Variants in PYY observed in about 807,000 individuals in gnomAD.
The protein encoded by PYY is peptide tyrosine tyrosine.
Under a neutral mutation model 10.3 loss-of-function variants are expected in PYY, and 12 were observed. That is an observed-to-expected ratio of 1.17 (90% confidence interval 0.75 to 1.89). PYY has a LOEUF of 1.89. Ranked by LOEUF, PYY falls within the 40% of genes most tolerant of loss-of-function variation. The pLI, the probability that PYY is intolerant of heterozygous loss-of-function variation, is 0.00. For synonymous variants in PYY, 66 were observed against 62.0 expected (o/e 1.06, Z -0.30); for missense variants, 141 against 134.0 (o/e 1.05, Z -0.26).
At chr17:44,002,197 C>G (rs1859223) in intron 1 of PYY, among the ~76,000 whole-genome samples, 117,170 of 152,070 alleles carry the variant, frequency 0.77, 46,259 homozygotes, top group Middle Eastern at 0.86. Flanking sequence ...GAGTCTCCCC[C>G]CCGGGACAGT....
chr17:43,974,929 A>T (rs1320059995), intron 1 of PYY, among the ~76,000 whole-genome samples: 1 of 152,210 alleles, frequency 6.6e-6, no homozygotes, highest in East Asian at 1.9e-4. Flanking sequence ...AAAAAGTTCA[A>T]CAGAGTAGGA....
intron 2 of PYY, among the ~76,000 whole-genome samples, chr17:43,964,665 G>A (rs1023791590): frequency 1.3e-5 from 2 of 152,072 alleles, no homozygotes; most frequent in African/African-American, 2.4e-5. Context: ...CAGGAGAATC[G>A]CTTGAAAATT....
chr17:43,994,579 C>T (rs2048978593), intron 1 of PYY, among the ~76,000 whole-genome samples: 1 of 152,194 alleles, frequency 6.6e-6, no homozygotes, highest in Non-Finnish European at 1.5e-5. Flanking sequence ...GGACTCGAAC[C>T]TCGCGTTTTG....
chr17:43,956,098 G>A (rs1034695133), upstream of PYY, among the ~76,000 whole-genome samples: 6 of 152,114 alleles, frequency 3.9e-5, no homozygotes, highest in African/African-American at 1.4e-4. Flanking sequence ...TGGAGTCCAA[G>A]GACAGATGGG....
chr17:43,969,899 C>T (rs1319457979), intron 1 of PYY, among the ~76,000 whole-genome samples: 1 of 151,742 alleles, frequency 6.6e-6, no homozygotes, highest in Non-Finnish European at 1.5e-5. Flanking sequence ...CCCGCCACCG[C>T]ACCCGGCTAA....
upstream of PYY, among the ~76,000 whole-genome samples, chr17:43,957,469 T>G (rs1597842560): frequency 2.0e-5 from 3 of 151,562 alleles, no homozygotes; most frequent in East Asian, 5.9e-4. Context: ...ACCAGCCTGG[T>G]CAACATGGTG....
At chr17:44,000,845 A>T (rs1037209932) in intron 1 of PYY, among the ~76,000 whole-genome samples, 1 of 151,890 alleles carries the variant, frequency 6.6e-6, no homozygotes, top group East Asian at 1.9e-4. Context: ...ATGAGCCACC[A>T]CACCTGGCCT....
intron 1 of PYY, among the ~76,000 whole-genome samples, chr17:43,969,177 A>G (rs2048772904): frequency 6.6e-6 from 1 of 152,086 alleles, no homozygotes; most frequent in South Asian, 2.1e-4. Context: ...TGTTACAATC[A>G]GGTGGGATTT....
intron 1 of PYY, among the ~76,000 whole-genome samples, chr17:43,970,201 TA>T (rs59609569): frequency 3.3e-3 from 313 of 95,504 alleles, no homozygotes; most frequent in African/African-American, 5.0e-3. Context: ...CCCTGTCTCT[TA>T]AAAAAAAAAA....
chr17:43,960,348 G>C (rs2048702664), intron 2 of PYY, among the ~76,000 whole-genome samples: 2 of 151,622 alleles, frequency 1.3e-5, no homozygotes, highest in African/African-American at 4.9e-5. Flanking sequence ...TTCTAGACCA[G>C]CCTGGCCAAC....
intron 1 of PYY, among the ~76,000 whole-genome samples, chr17:43,978,874 G>C (rs2048865597): frequency 6.6e-6 from 1 of 152,148 alleles, no homozygotes; most frequent in Non-Finnish European, 1.5e-5. Flanking sequence ...GCATCAGAAG[G>C]GCCAAGGCAT....
At chr17:43,971,680 G>T (rs1177932254) in intron 1 of PYY, among the ~76,000 whole-genome samples, 43 of 143,698 alleles carry the variant, frequency 3.0e-4, no homozygotes, top group Middle Eastern at 3.6e-3. Context: ...TGTTCATGTG[G>T]TTTTTTTTTT....
At chr17:43,970,645 T>A (rs551955350) in intron 1 of PYY, among the ~76,000 whole-genome samples, 2 of 152,274 alleles carry the variant, frequency 1.3e-5, no homozygotes, top group African/African-American at 4.8e-5. Context: ...GACAACTGAA[T>A]GGAGAAAGGA....
chr17:43,976,847 T>G (rs1022832264), intron 1 of PYY, among the ~76,000 whole-genome samples: 3 of 152,118 alleles, frequency 2.0e-5, no homozygotes, highest in African/African-American at 7.2e-5. Flanking sequence ...CCTACCAAAA[T>G]GTGGTTTCCT....
Position 43,965,789 on chromosome 17 carries a change from CAAAAAAAAAAAA to C in PYY, c.-218+487_-218+498del, listed in dbSNP as rs67609128. On this transcript the variant is annotated intron_variant, in intron 2 of 6. Coordinates refer to the PYY transcript ENST00000360085. ...GGCAACAGAGTGAGAATCCATCTCA[CAAAAAAAAAAAA>C]AAAAAAAAAAAAAAAAGAGAGAGAA... Among the ~76,000 whole-genome samples the C allele has an allele frequency of 1.8e-3, 59 of 31,938 alleles. 1 individual carries two copies. Among genetic ancestry groups the C allele is most frequent in the South Asian group, 0.016 (9 of 562 alleles). The allele number at this position is 31,938 out of a possible 152,430, so 21.0% of individuals were successfully genotyped here.
intron 2 of PYY, among the ~76,000 whole-genome samples, chr17:43,966,033 G>A (rs926459967): frequency 6.6e-6 from 1 of 151,760 alleles, no homozygotes; most frequent in African/African-American, 2.4e-5. Context: ...TTGCTCCTCT[G>A]CCGAGTTCCC....
rs1470749563 is a variant in PYY at position 43,952,830 on chromosome 17, G to A, written c.*126C>T. 23 of 1,085,986 alleles carry A rather than the reference G, an allele frequency of 2.1e-5. No homozygotes were observed. The highest frequency in any genetic ancestry group is 2.7e-5 in the Non-Finnish European group (21 of 775,000). 67.3% of individuals were successfully genotyped at this position (1,085,986 alleles called of 1,614,324 possible). ...GCGGGGGCACCGAGACGCGGGCGGA[G>A]GGCCGCACCCGAACCCTGCCCAGAC... On this transcript the variant is annotated 3_prime_UTR_variant, in exon 4 of 4. Coordinates refer to ENST00000692052, the MANE Select transcript of PYY (RefSeq NM_001394028.1).
chr17:43,974,125 T>C, intron 1 of PYY, among the ~76,000 whole-genome samples: 1 of 152,154 alleles, frequency 6.6e-6, no homozygotes. Flanking sequence ...ATCTGCTTAT[T>C]ATTATATCAT....
At chr17:43,990,166 G>A (rs1437443629) in intron 1 of PYY, among the ~76,000 whole-genome samples, 4 of 151,582 alleles carry the variant, frequency 2.6e-5, no homozygotes, top group Non-Finnish European at 5.9e-5. Flanking sequence ...GACGGGGCGA[G>A]GTGGCTCACA....
Sources: allele counts gnomAD v4.1 joint callset (sites outside exome capture counted in the v4.1 genomes callset), GRCh38; gene constraint gnomAD v4.1.1; transcripts MANE v1.5; gene names NCBI Gene and HGNC (gene_info 2026-07-23, HGNC 2026-07-21).